The following CCSER1 variants were observed in gnomAD, a reference collection of about 807,000 sequenced individuals.
CCSER1 encodes coiled-coil serine rich protein 1.
Under a neutral mutation model 82.0 loss-of-function variants are expected in CCSER1, and 41 were observed. That is an observed-to-expected ratio of 0.50 (90% CI 0.39 to 0.65). The LOEUF (loss-of-function observed/expected upper bound fraction) is 0.65. Ranked by LOEUF, CCSER1 falls within the 30% of genes least tolerant of loss-of-function variation. The pLI is 0.00. For synonymous variants in CCSER1, 414 were observed against 383.9 expected, an observed-to-expected ratio of 1.08 and a Z score of -0.92; for missense variants, 1,119 against 1,064.2, an observed-to-expected ratio of 1.05 and a Z score of -0.72.
At chr4:91,527,338 A>G (rs1189389578) in intron 10 of CCSER1, among the ~76,000 whole-genome samples, 1 of 152,192 alleles carries the variant, frequency 6.6e-6, no homozygotes, top group Non-Finnish European at 1.5e-5. Flanking sequence ...CTATGCTAAA[A>G]CAATTTTACT....
At chr4:91,388,277 G>A (rs946480798) in intron 10 of CCSER1, among the ~76,000 whole-genome samples, 1 of 151,908 alleles carries the variant, frequency 6.6e-6, no homozygotes, top group African/African-American at 2.4e-5. Flanking sequence ...AATTTTTCTT[G>A]TCTTAATTTT....
chr4:91,473,248 T>G (rs916506583), intron 10 of CCSER1, among the ~76,000 whole-genome samples: 1 of 152,170 alleles, frequency 6.6e-6, no homozygotes, highest in Admixed American at 6.6e-5. Flanking sequence ...CCATATGCTT[T>G]CAGAAAGTAA....
chr4:90,936,836 T>C (rs1476962333), intron 9 of CCSER1, among the ~76,000 whole-genome samples: 1 of 152,206 alleles, frequency 6.6e-6, no homozygotes, highest in South Asian at 2.1e-4. Context: ...GTCTTAAAGA[T>C]TTTGCAGACC....
At chr4:91,236,582 A>G (rs1406673089) in intron 10 of CCSER1, among the ~76,000 whole-genome samples, 1 of 152,196 alleles carries the variant, frequency 6.6e-6, no homozygotes, top group East Asian at 1.9e-4. Flanking sequence ...GGAATACTGT[A>G]TTTAAAATTT....
intron 10 of CCSER1, among the ~76,000 whole-genome samples, chr4:91,462,398 A>G (rs1389538712): frequency 1.3e-5 from 2 of 152,160 alleles, no homozygotes; most frequent in African/African-American, 4.8e-5. Context: ...ATGGCCGAAT[A>G]GGAACAGCTC....
intron 5 of CCSER1, among the ~76,000 whole-genome samples, chr4:90,590,619 G>A (rs1782572761): frequency 1.3e-5 from 2 of 151,930 alleles, no homozygotes; most frequent in South Asian, 4.2e-4. Flanking sequence ...GATGTGTGGT[G>A]TTATTTCTGA....
chr4:90,344,401 C>T (rs1266945373), intron 3 of CCSER1, among the ~76,000 whole-genome samples: 4 of 152,156 alleles, frequency 2.6e-5, no homozygotes, highest in African/African-American at 9.7e-5. Flanking sequence ...CTTCTTATCA[C>T]ACTTACTTGA....
intron 10 of CCSER1, among the ~76,000 whole-genome samples, chr4:91,431,192 C>T (rs888122499): frequency 1.3e-5 from 2 of 152,056 alleles, no homozygotes; most frequent in African/African-American, 4.8e-5. Context: ...GCGGAGATGG[C>T]GCCAATGCAC....
At chr4:90,206,178 T>A (rs1254032461) in intron 1 of CCSER1, among the ~76,000 whole-genome samples, 1 of 152,180 alleles carries the variant, frequency 6.6e-6, no homozygotes, top group Non-Finnish European at 1.5e-5. Context: ...TTGAAGGGTT[T>A]TTTTGTGTCT....
chr4:91,307,879 G>T (rs1289367224), intron 10 of CCSER1, among the ~76,000 whole-genome samples: 1 of 152,014 alleles, frequency 6.6e-6, no homozygotes, highest in Admixed American at 6.6e-5. Flanking sequence ...GGTCCATGAA[G>T]CAATGATATG....
intron 1 of CCSER1, among the ~76,000 whole-genome samples, chr4:90,306,565 G>A (rs1734319485): frequency 6.6e-6 from 1 of 152,098 alleles, no homozygotes; most frequent in Non-Finnish European, 1.5e-5. Context: ...TAGATTTTAT[G>A]TTGTTTGGAG....
intron 9 of CCSER1, among the ~76,000 whole-genome samples, chr4:90,969,459 C>A (rs1734877972): frequency 6.6e-6 from 1 of 151,976 alleles, no homozygotes; most frequent in Non-Finnish European, 1.5e-5. Flanking sequence ...TAGATGATTT[C>A]TCAGCAGAAA....
chr4:91,495,941 C>T (rs1560715654), intron 10 of CCSER1, among the ~76,000 whole-genome samples: 2 of 151,476 alleles, frequency 1.3e-5, no homozygotes, highest in African/African-American at 4.8e-5. Flanking sequence ...ACATTTGAAT[C>T]CTGGAACAGT....
At chr4:90,422,327 C>T (rs1046699567) in intron 4 of CCSER1, among the ~76,000 whole-genome samples, 4 of 152,176 alleles carry the variant, frequency 2.6e-5, no homozygotes, top group African/African-American at 7.2e-5. Context: ...CCCATAGAAC[C>T]AGACACATGA....
At chr4:90,944,666 A>G (rs1256809890) in intron 9 of CCSER1, among the ~76,000 whole-genome samples, 2 of 152,214 alleles carry the variant, frequency 1.3e-5, no homozygotes, top group Non-Finnish European at 2.9e-5. Flanking sequence ...TCATAAATCC[A>G]TAAATTCTAA....
At chr4:90,571,289 T>C (rs1003902804) in intron 5 of CCSER1, among the ~76,000 whole-genome samples, 7 of 152,166 alleles carry the variant, frequency 4.6e-5, no homozygotes, top group African/African-American at 1.7e-4. Flanking sequence ...CATATGTTTA[T>C]TGCAACACTA....
intron 10 of CCSER1, among the ~76,000 whole-genome samples, chr4:91,467,297 T>C (rs530626511): frequency 2.6e-4 from 39 of 152,318 alleles, no homozygotes; most frequent in Admixed American, 1.7e-3. Context: ...TGGCTAGCCA[T>C]GTGTAGAAAG....
chr4:90,878,600 C>T (rs958299358), intron 8 of CCSER1, among the ~76,000 whole-genome samples: 1 of 152,122 alleles, frequency 6.6e-6, no homozygotes, highest in Non-Finnish European at 1.5e-5. Flanking sequence ...TATATGTTCT[C>T]ATACCCCTAC....
intron 3 of CCSER1, among the ~76,000 whole-genome samples, chr4:90,396,115 T>C (rs988469938): frequency 1.3e-5 from 2 of 151,936 alleles, no homozygotes; most frequent in Admixed American, 1.3e-4. Context: ...CAAAAACTCA[T>C]GGACTTTCAT....
Sources: gnomAD v4.1 joint callset for allele counts (sites outside exome capture counted in the v4.1 genomes callset) on GRCh38, gnomAD v4.1.1 for gene constraint, MANE v1.5 for transcripts, NCBI Gene and HGNC (gene_info 2026-07-23, HGNC 2026-07-21) for gene names.